The following VAV2 variants were observed in gnomAD, a reference collection of about 807,000 sequenced individuals.
VAV2 encodes the protein vav guanine nucleotide exchange factor 2, also known as guanine nucleotide exchange factor VAV2.
VAV2 carries 67 observed loss-of-function variants against 132.5 expected under a neutral mutation model. The ratio of observed to expected loss-of-function variants is 0.51; its 90% CI spans 0.42 to 0.62. The LOEUF (loss-of-function observed/expected upper bound fraction) is 0.62. VAV2 is among the 20% of genes least tolerant of loss of function. The pLI is 0.00. For synonymous variants in VAV2, 492 were observed against 443.5 expected (o/e 1.11, Z -1.37); for missense variants, 938 against 1,153.6 (o/e 0.81, Z 2.71).
In VAV2 at chr9:133,796,430, T is replaced by A. The variant is rs1305365070; in HGVS notation, c.1031A>T (p.Lys344Met). ...GGCACCCGGGGCCCAGAGCCTCACC[T>A]TCAAGAGCAGGTGGTATTTGAGCAC... ...QRVLKYHLLLKELLSHSAERP... is the reference protein window; with the variant it reads ...QRVLKYHLLLMELLSHSAERP... The change falls in exon 11 of 30, where the codon AAG (lysine) becomes ATG (methionine). Residue 344 changes from lysine (K) to methionine (M), a missense_variant and splice_region_variant. Coordinates refer to ENST00000371850, the MANE Select transcript of VAV2 (RefSeq NM_001134398.2). 6.2e-7 allele frequency: 1 copy of A among 1,613,012 alleles called. No individual in the cohort carries two copies.
In VAV2 at chr9:133,783,589, C is replaced by G. The variant is rs1332516679; in HGVS notation, c.1637G>C (p.Gly546Ala). Reference sequence around the variant, plus strand: ...ACACATGTATCCCTGGTAGAAGGTGCCCCTGCACAGGGGAGGGCAGGAGGT... The same window carrying G: ...ACACATGTATCCCTGGTAGAAGGTGGCCCTGCACAGGGGAGGGCAGGAGGT... ...NCKACKMFLR[G>A]TFYQGYMCTK... Residue 546 changes from glycine (G) to alanine (A), a missense_variant and splice_region_variant, in exon 19 of 30, where the codon GGC becomes GCC. Transcript: ENST00000371850. 3 of 1,613,908 alleles carry G rather than the reference C, an allele frequency of 1.9e-6. No individual in the cohort carries two copies.
At chr9:133,838,738 G>C (rs1331013873) in intron 3 of VAV2, among the ~76,000 whole-genome samples, 2 of 149,166 alleles carry the variant, frequency 1.3e-5, no homozygotes, top group African/African-American at 5.0e-5. Context: ...TGGATGAATG[G>C]GTGGGTGGAT....
intron 1 of VAV2, among the ~76,000 whole-genome samples, chr9:133,953,685 CA>C (rs1411345354): frequency 6.6e-6 from 1 of 152,152 alleles, no homozygotes; most frequent in African/African-American, 2.4e-5. Flanking sequence ...TGAGTGGGGA[CA>C]GGGGGCTCAG....
chr9:133,782,292 A>C (rs896395419), intron 19 of VAV2, among the ~76,000 whole-genome samples: 2 of 152,034 alleles, frequency 1.3e-5, no homozygotes, highest in African/African-American at 4.8e-5. Context: ...AAGCAAAAAA[A>C]GATTCTAAGT....
At chr9:133,772,271 C>T (rs1443670636) in intron 25 of VAV2, among the ~76,000 whole-genome samples, 2 of 152,322 alleles carry the variant, frequency 1.3e-5, no homozygotes, top group South Asian at 4.1e-4. Context: ...GGCCCGGAAC[C>T]CCTGGCTGCT....
At chr9:133,890,051 A>T (rs1161558570) in intron 2 of VAV2, among the ~76,000 whole-genome samples, 1 of 152,156 alleles carries the variant, frequency 6.6e-6, no homozygotes, top group Non-Finnish European at 1.5e-5. Flanking sequence ...ACACTCCGGG[A>T]GGCTATGGTG....
intron 2 of VAV2, among the ~76,000 whole-genome samples, chr9:133,931,413 C>T (rs1840683468): frequency 2.6e-5 from 4 of 152,106 alleles, no homozygotes; most frequent in South Asian, 2.1e-4. Flanking sequence ...GGCCCCCCTC[C>T]TGCAGGCAGG....
intron 3 of VAV2, among the ~76,000 whole-genome samples, chr9:133,854,537 C>A (rs563585996): frequency 1.3e-5 from 2 of 152,342 alleles, no homozygotes; most frequent in South Asian, 4.1e-4. Context: ...CTGACCAGGG[C>A]AACAGAGGCC....
intron 2 of VAV2, among the ~76,000 whole-genome samples, chr9:133,876,339 C>T (rs529899330): frequency 2.6e-5 from 4 of 152,376 alleles, no homozygotes; most frequent in South Asian, 2.1e-4. Flanking sequence ...CACCACTGAC[C>T]GCTGCCAGCA....
At chr9:133,900,960 C>T (rs1160762190) in intron 2 of VAV2, among the ~76,000 whole-genome samples, 2 of 151,468 alleles carry the variant, frequency 1.3e-5, no homozygotes, top group Admixed American at 1.3e-4. Flanking sequence ...TCATCACGCC[C>T]GGCTAATTTT....
chr9:133,777,449 T>G lies in VAV2; in HGVS notation c.1905A>C (p.Gln635His), dbSNP rs137947314. ...TGGGGAAATACCCTGACTTCCTGGT[T>G]TGTACCAGACGACCCTGGCAGAGGA... ...ESPWWEGRLVQTRKSGYFPSS... is the reference protein window; with the variant it reads ...ESPWWEGRLVHTRKSGYFPSS... Residue 635 changes from glutamine to histidine, a missense_variant, in exon 23 of 30, where the codon CAA (glutamine) becomes CAC (histidine). By Grantham distance (24) the Gln-to-His change is conservative. Transcript: ENST00000371850. The G allele has an allele frequency of 5.9e-5, 96 of 1,613,546 alleles. No individual in the cohort carries two copies. In the African/African-American group the frequency reaches 1.1e-3, roughly 19 times the overall value.
intron 9 of VAV2, among the ~76,000 whole-genome samples, chr9:133,803,399 G>A (rs147947774): frequency 3.2e-5 from 3 of 93,166 alleles, no homozygotes; most frequent in African/African-American, 1.3e-4. Context: ...CCCACTCCCC[G>A]CAGCATGACT....
intron 2 of VAV2, among the ~76,000 whole-genome samples, chr9:133,868,716 G>A (rs184351456): frequency 2.6e-5 from 4 of 152,214 alleles, no homozygotes; most frequent in African/African-American, 9.7e-5. Flanking sequence ...CCATCTCCTG[G>A]GAATGCCGCT....
At chr9:133,837,884 T>C (rs544749591) in intron 3 of VAV2, among the ~76,000 whole-genome samples, 2 of 152,276 alleles carry the variant, frequency 1.3e-5, no homozygotes, top group East Asian at 3.9e-4. Flanking sequence ...ATTATACTGC[T>C]GCCCGTAAAA....
At chr9:133,871,996 T>C (rs7025939) in intron 2 of VAV2, among the ~76,000 whole-genome samples, 24,685 of 152,188 alleles carry the variant, frequency 0.16, 2,488 homozygotes, top group African/African-American at 0.29. Context: ...GGGAATGAAA[T>C]GTTGGGATTC....
chr9:133,912,990 A>G lies in VAV2; in HGVS notation c.321+26113T>C, dbSNP rs1355698975. On this transcript the variant is annotated intron_variant, in intron 2 of 29. Transcript: ENST00000371850. This position sits in a 1 kb window ranked among gnomAD's most constrained non-coding sequence, Gnocchi z 4.3. ...TTGGAACCGGGTTTGGGAGGCAGGC[A>G]CTGTCCTCTGAAGGCCCAGCCTGAC... 2.0e-5 allele frequency among the ~76,000 whole-genome samples: 3 copies of G among 152,194 alleles called. No homozygotes were observed. In the East Asian group the frequency reaches 5.8e-4, roughly 29 times the overall value.
intron 2 of VAV2, among the ~76,000 whole-genome samples, chr9:133,892,354 T>C (rs1259962802): frequency 6.6e-6 from 1 of 151,472 alleles, no homozygotes; most frequent in Non-Finnish European, 1.5e-5. Context: ...GGAGTGTCCT[T>C]TGAACACAAA....
chr9:133,976,664 G>A (rs928831175), intron 1 of VAV2, among the ~76,000 whole-genome samples: 4 of 152,278 alleles, frequency 2.6e-5, no homozygotes, highest in Admixed American at 1.3e-4. Context: ...GCCTTCTCCC[G>A]GCAGCTACGC....
chr9:133,814,453 C>T (rs1169885806), intron 4 of VAV2, among the ~76,000 whole-genome samples: 6 of 152,186 alleles, frequency 3.9e-5, no homozygotes, highest in African/African-American at 2.4e-5. Context: ...CAGCTGGAGG[C>T]GAGGCGAGAC....
Sources: gnomAD v4.1 joint callset for allele counts (sites outside exome capture counted in the v4.1 genomes callset) on GRCh38, gnomAD v4.1.1 for gene constraint, Gnocchi (gnomAD v3.1) non-coding constraint, MANE v1.5 for transcripts, NCBI Gene and HGNC (gene_info 2026-07-23, HGNC 2026-07-21) for gene names.